The following SEM1 variants were observed in gnomAD, a reference collection of about 807,000 sequenced individuals.
SEM1 encodes 26S proteasome complex subunit SEM1.
In SEM1, 3 loss-of-function variants were observed where a neutral mutation model predicts 12.7. That is an observed-to-expected ratio of 0.24 (90% CI 0.11 to 0.61). SEM1 has a LOEUF of 0.61. SEM1 is among the 20% of genes least tolerant of loss of function. SEM1 has a pLI of 0.88. For synonymous variants in SEM1, 30 were observed against 27.8 expected (o/e 1.08, Z -0.25); for missense variants, 59 against 81.3 (o/e 0.73, Z 1.06).
downstream of SEM1, chr7:96,622,199 C>G (rs1031056871): frequency 6.2e-6 from 1 of 161,524 alleles, no homozygotes; most frequent in African/African-American, 2.4e-5. Flanking sequence ...CTAGTAAAGG[C>G]CTTTGGATTA....
At chr7:96,691,490 T>G (rs1584866574) in intron 2 of SEM1, among the ~76,000 whole-genome samples, 1 of 152,184 alleles carries the variant, frequency 6.6e-6, no homozygotes, top group African/African-American at 2.4e-5. Context: ...AGATCTGGGG[T>G]TGGAACCCCA....
intron 2 of SEM1, among the ~76,000 whole-genome samples, chr7:96,592,222 AG>A: frequency 1.3e-5 from 2 of 151,802 alleles, no homozygotes; most frequent in East Asian, 3.9e-4. Context: ...AAGCCCGGGA[AG>A]AGGAGGGGTC....
At chr7:96,513,106 G>T (rs6947498) in intron 2 of SEM1, among the ~76,000 whole-genome samples, 5,255 of 152,148 alleles carry the variant, frequency 0.035, 300 homozygotes, top group African/African-American at 0.12. Flanking sequence ...ATATAACCGT[G>T]TCCTTATAAA....
At chr7:96,555,761 C>T (rs551542866) in intron 2 of SEM1, among the ~76,000 whole-genome samples, 4,552 of 142,316 alleles carry the variant, frequency 0.032, 209 homozygotes, top group African/African-American at 0.11. Context: ...CTTTCTGTCT[C>T]GTTGATCTGT....
chr7:96,681,039 C>T (rs147861686), intron 2 of SEM1, among the ~76,000 whole-genome samples: 227 of 152,212 alleles, frequency 1.5e-3, no homozygotes, highest in African/African-American at 5.3e-3. Flanking sequence ...TCCCAGGGAA[C>T]AACTGGTGCA....
intron 2 of SEM1, among the ~76,000 whole-genome samples, chr7:96,580,885 G>A (rs1314576340): frequency 6.6e-6 from 1 of 152,108 alleles, no homozygotes; most frequent in African/African-American, 2.4e-5. Context: ...TGTCAGATGA[G>A]TAGGTTGCAA....
intron 2 of SEM1, among the ~76,000 whole-genome samples, chr7:96,648,921 A>G (rs1808883423): frequency 6.6e-6 from 1 of 152,172 alleles, no homozygotes; most frequent in Admixed American, 6.5e-5. Context: ...AAAACGGCCC[A>G]ATGTTTTTTT....
chr7:96,679,069 A>T lies in SEM1; in HGVS notation c.171-5210T>A, dbSNP rs183515609. Among the ~76,000 whole-genome samples, 8 of 152,204 alleles carry T rather than the reference A, an allele frequency of 5.3e-5. No individual in the cohort carries two copies. In the East Asian group the frequency reaches 1.5e-3, roughly 29 times the overall value. ...TTCAATATATAAATCAATAGCTTTA[A>T]TTTTTTTAACTGTCTTACTTAAGAG... is the stretch of plus-strand genomic sequence containing the variant. On this transcript the variant is annotated intron_variant, in intron 2 of 2. Coordinates refer to the SEM1 transcript ENST00000413065.
chr7:96,544,059 C>T (rs1805032372), intron 2 of SEM1, among the ~76,000 whole-genome samples: 1 of 151,980 alleles, frequency 6.6e-6, no homozygotes, highest in South Asian at 2.1e-4. Context: ...AATGGAGAAC[C>T]AATCCCTAGC....
chr7:96,536,751 C>T (rs1472533680), intron 2 of SEM1, among the ~76,000 whole-genome samples: 1 of 151,762 alleles, frequency 6.6e-6, no homozygotes, highest in Admixed American at 6.6e-5. Flanking sequence ...TTCTTCTGAT[C>T]AGTTAAATGT....
intron 2 of SEM1, among the ~76,000 whole-genome samples, chr7:96,532,576 T>C (rs1193939043): frequency 3.3e-5 from 5 of 152,130 alleles, no homozygotes; most frequent in Non-Finnish European, 7.4e-5. Flanking sequence ...CATTCCTGAC[T>C]GGTAAATTGA....
chr7:96,582,181 AG>A (rs1469538427), intron 2 of SEM1, among the ~76,000 whole-genome samples: 2 of 151,534 alleles, frequency 1.3e-5, no homozygotes, highest in South Asian at 2.1e-4. Context: ...TTTTGCATGA[AG>A]GGTTGTTGAA....
chr7:96,645,811 C>A, intron 2 of SEM1: 1 of 398,354 alleles, frequency 2.5e-6, no homozygotes, highest in Non-Finnish European at 4.4e-6. Flanking sequence ...AATAGGAGAA[C>A]TAGGGGTGAT....
chr7:96,539,896 C>G (rs1054913967), intron 2 of SEM1, among the ~76,000 whole-genome samples: 1 of 151,086 alleles, frequency 6.6e-6, no homozygotes, highest in African/African-American at 2.4e-5. Flanking sequence ...TAGGCTGGTG[C>G]AAAAGTATTT....
chr7:96,650,358 G>C, intron 2 of SEM1: 1 of 572,108 alleles, frequency 1.7e-6, no homozygotes, highest in Non-Finnish European at 3.1e-6. Context: ...TGAGAAGACA[G>C]GATTTCATCT....
chr7:96,504,945 G>A lies in SEM1; in HGVS notation c.*60+1678C>T, dbSNP rs145025083. On this transcript the variant is annotated intron_variant and NMD_transcript_variant, in intron 3 of 3. Coordinates refer to the SEM1 transcript ENST00000466986. The stretch of plus-strand genomic sequence containing the variant: ...GTTTTGCTGGTTGCATCCCCATGGT[G>A]TAGCTTAGTATATTTCTTGCATATG... Among the ~76,000 whole-genome samples the A allele has an allele frequency of 2.6e-3, 392 of 151,860 alleles. 15 individuals are homozygous for A. Among genetic ancestry groups the A allele is most frequent in the Admixed American group, 0.023 (345 of 15,216 alleles).
At chr7:96,553,527 G>T (rs1233084214) in intron 2 of SEM1, among the ~76,000 whole-genome samples, 3 of 151,966 alleles carry the variant, frequency 2.0e-5, no homozygotes, top group Non-Finnish European at 4.4e-5. Context: ...TTATTTCTGA[G>T]GGCTCTGTTC....
intron 2 of SEM1, among the ~76,000 whole-genome samples, chr7:96,532,599 C>T (rs1437481322): frequency 6.6e-6 from 1 of 152,104 alleles, no homozygotes; most frequent in African/African-American, 2.4e-5. Context: ...AACAGATCTT[C>T]CTGTTGTAGT....
At chr7:96,572,957 T>C (rs1296037686) in intron 2 of SEM1, among the ~76,000 whole-genome samples, 2 of 152,240 alleles carry the variant, frequency 1.3e-5, no homozygotes, top group Non-Finnish European at 2.9e-5. Flanking sequence ...TTTATGAATC[T>C]GGGTGCTCCT....
Sources: gnomAD v4.1 joint callset for allele counts (sites outside exome capture counted in the v4.1 genomes callset) on GRCh38, gnomAD v4.1.1 for gene constraint, MANE v1.5 for transcripts, NCBI Gene and HGNC (gene_info 2026-07-23, HGNC 2026-07-21) for gene names.